The following SND1 variants were observed in gnomAD, a reference collection of about 807,000 sequenced individuals.
SND1 encodes staphylococcal nuclease and tudor domain containing 1.
Under a neutral mutation model 121.7 loss-of-function variants are expected in SND1, and 38 were observed. The ratio of observed to expected loss-of-function variants is 0.31; its 90% CI spans 0.24 to 0.41. The LOEUF (loss-of-function observed/expected upper bound fraction) is 0.41. SND1 is among the 10% of genes least tolerant of loss of function. The pLI, the probability that SND1 is intolerant of heterozygous loss-of-function variation, is 1.00. For missense variants in SND1, 868 were observed against 1,184.6 expected (o/e 0.73, Z 3.92); for synonymous variants, 401 against 447.4 (o/e 0.90, Z 1.31).
chr7:127,728,912 T>C (rs1337205630), intron 10 of SND1, among the ~76,000 whole-genome samples: 4 of 152,180 alleles, frequency 2.6e-5, no homozygotes, highest in Non-Finnish European at 5.9e-5. Flanking sequence ...TTTACACTCC[T>C]GTTTTTTACT....
intron 11 of SND1, among the ~76,000 whole-genome samples, chr7:127,829,294 A>T (rs1798698006): frequency 6.6e-6 from 1 of 151,966 alleles, no homozygotes; most frequent in Non-Finnish European, 1.5e-5. Context: ...GGAGCAAAGG[A>T]CCTGCTGTGA....
rs1430419667 is a variant in SND1 at position 128,085,433 on chromosome 7, A to G, written c.2235-278A>G. Among the ~76,000 whole-genome samples, 2 of 152,192 alleles carry G rather than the reference A, an allele frequency of 1.3e-5. No homozygotes were observed. The highest frequency in any genetic ancestry group is 2.1e-4 in the South Asian group (1 of 4,828). ...CACTGGGTTTAAACAGCAGACATCA[A>G]TCTAGTCATTAGTCTTGTTGCTTTA... On this transcript the variant is annotated intron_variant, in intron 19 of 23. Coordinates refer to ENST00000354725, the MANE Select transcript of SND1 (RefSeq NM_014390.4). This position sits in a 1 kb window ranked among gnomAD's most constrained non-coding sequence, Gnocchi z 4.4.
intron 16 of SND1, among the ~76,000 whole-genome samples, chr7:128,040,722 T>C (rs1465138663): frequency 6.6e-6 from 1 of 152,232 alleles, no homozygotes; most frequent in Non-Finnish European, 1.5e-5. Context: ...TTATGTCCTT[T>C]TCTGGGTTTC....
chr7:127,813,413 G>A (rs1311994404), intron 11 of SND1, among the ~76,000 whole-genome samples: 2 of 141,732 alleles, frequency 1.4e-5, no homozygotes, highest in Admixed American at 1.4e-4. Flanking sequence ...CACCTAAATG[G>A]TCTTTTCGAT....
intron 17 of SND1, among the ~76,000 whole-genome samples, chr7:128,076,624 A>G (rs1387184897): frequency 1.3e-5 from 2 of 152,192 alleles, no homozygotes; most frequent in Non-Finnish European, 2.9e-5. Context: ...GGGTGTACCC[A>G]GCCTTGTCCC....
chr7:128,090,777 C>G (rs977670224), intron 22 of SND1, among the ~76,000 whole-genome samples: 2 of 152,124 alleles, frequency 1.3e-5, no homozygotes, highest in Admixed American at 1.3e-4. Flanking sequence ...ACAAGACACC[C>G]CTGTGGACTG....
At chr7:127,841,323 A>G (rs946305031) in intron 11 of SND1, among the ~76,000 whole-genome samples, 2 of 151,790 alleles carry the variant, frequency 1.3e-5, no homozygotes, top group Non-Finnish European at 2.9e-5. Flanking sequence ...TGAGGGCTTG[A>G]GCTTGTTAGA....
intron 13 of SND1, among the ~76,000 whole-genome samples, chr7:127,891,575 G>A (rs1430598639): frequency 2.6e-5 from 4 of 152,002 alleles, no homozygotes; most frequent in African/African-American, 7.2e-5. Context: ...TTAGCTGTAT[G>A]TTTTCTAGGT....
chr7:127,881,752 T>C (rs1799794954), intron 12 of SND1, among the ~76,000 whole-genome samples: 1 of 152,122 alleles, frequency 6.6e-6, no homozygotes, highest in South Asian at 2.1e-4. Context: ...CAATTTTTTT[T>C]GTTTTTGAGA....
intron 20 of SND1, among the ~76,000 whole-genome samples, chr7:128,086,146 G>A (rs972970170): frequency 2.0e-5 from 3 of 152,186 alleles, no homozygotes; most frequent in East Asian, 1.9e-4. Flanking sequence ...TGTTCCATGC[G>A]CTAATCCCCG....
chr7:127,664,459 G>T (rs1362664875), intron 1 of SND1, among the ~76,000 whole-genome samples: 1 of 152,160 alleles, frequency 6.6e-6, no homozygotes, highest in African/African-American at 2.4e-5. Flanking sequence ...TGGGGAAAAT[G>T]GGGAGGTGCT....
At chr7:127,693,568 G>A (rs964619634) in intron 2 of SND1, among the ~76,000 whole-genome samples, 1 of 152,064 alleles carries the variant, frequency 6.6e-6, no homozygotes, top group Admixed American at 6.5e-5. Context: ...AAGCTTGTTG[G>A]GTGACTTCAT....
chr7:127,780,525 A>G (rs1393066400), intron 10 of SND1, among the ~76,000 whole-genome samples: 1 of 152,222 alleles, frequency 6.6e-6, no homozygotes, highest in Non-Finnish European at 1.5e-5. Flanking sequence ...ATCAGAAATA[A>G]TTTCAGCATT....
chr7:127,719,818 T>C (rs1338613252), intron 9 of SND1, among the ~76,000 whole-genome samples: 1 of 152,224 alleles, frequency 6.6e-6, no homozygotes, highest in Non-Finnish European at 1.5e-5. Flanking sequence ...CCACCAGCCA[T>C]AGTAAACCTT....
chr7:127,692,813 T>C (rs547972092), intron 2 of SND1, among the ~76,000 whole-genome samples: 1 of 152,362 alleles, frequency 6.6e-6, no homozygotes, highest in South Asian at 2.1e-4. Context: ...TGTGGTTTTC[T>C]CTTATTGACC....
intron 14 of SND1, among the ~76,000 whole-genome samples, chr7:127,921,003 T>C (rs938121308): frequency 6.6e-6 from 1 of 152,224 alleles, no homozygotes; most frequent in Non-Finnish European, 1.5e-5. Context: ...TAATTTCATA[T>C]GGTTAAATTT....
chr7:127,826,587 A>T (rs1798646729), intron 11 of SND1, among the ~76,000 whole-genome samples: 1 of 152,112 alleles, frequency 6.6e-6, no homozygotes, highest in Non-Finnish European at 1.5e-5. Context: ...CTTGTATTTT[A>T]TCTCATTGAA....
At chr7:127,968,334 AAC>A (rs766423628) in intron 15 of SND1, among the ~76,000 whole-genome samples, 2 of 152,234 alleles carry the variant, frequency 1.3e-5, no homozygotes, top group South Asian at 4.1e-4. Flanking sequence ...TTGTCTCAGT[AAC>A]ACAGAGATCT....
intron 16 of SND1, among the ~76,000 whole-genome samples, chr7:128,067,311 G>C (rs1562888101): frequency 6.6e-6 from 1 of 152,254 alleles, no homozygotes; most frequent in South Asian, 2.1e-4. Context: ...TTCCCATCCA[G>C]GCCGCTTGCT....
Sources: gnomAD v4.1 joint callset for allele counts (sites outside exome capture counted in the v4.1 genomes callset) on GRCh38, gnomAD v4.1.1 for gene constraint, Gnocchi (gnomAD v3.1) non-coding constraint, MANE v1.5 for transcripts, NCBI Gene and HGNC (gene_info 2026-07-23, HGNC 2026-07-21) for gene names.